AACS: variants seen among roughly 807,000 people sequenced by gnomAD.
AACS encodes the protein acetoacetate-CoA ligase.
AACS carries 69 observed loss-of-function variants against 83.1 expected under a neutral mutation model. The ratio of observed to expected loss-of-function variants is 0.83; its 90% CI spans 0.68 to 1.01. The LOEUF is 1.01. Ranked by LOEUF, AACS falls within the 50% of genes least tolerant of loss-of-function variation. The pLI is 0.00. For missense variants in AACS, 866 were observed against 882.2 expected (o/e 0.98, Z 0.23); for synonymous variants, 333 against 343.4 (o/e 0.97, Z 0.33).
chr12:125,127,545 G>T (rs971744586), intron 12 of AACS: 1 of 152,174 alleles, frequency 6.6e-6, no homozygotes, highest in Non-Finnish European at 1.5e-5. Flanking sequence ...GGGTTCAAGC[G>T]ATTCTTGTGC....
intron 10 of AACS, chr12:125,123,911 T>C (rs1296117920): frequency 2.6e-5 from 4 of 152,284 alleles, no homozygotes; most frequent in African/African-American, 9.6e-5. Flanking sequence ...TGTGTTGTTC[T>C]GTGAGCACAA....
At chr12:125,091,312 G>T in intron 4 of AACS, 114 bp from the exon 5 acceptor site, 9 of 1,064,702 alleles carry the variant, frequency 8.5e-6, no homozygotes, top group Non-Finnish European at 1.3e-5. Flanking sequence ...TCCTCAGGCA[G>T]TTCAAGGCCA....
chr12:125,092,311 G>A (rs976818394), intron 5 of AACS, among the ~76,000 whole-genome samples: 2 of 152,376 alleles, frequency 1.3e-5, no homozygotes, highest in African/African-American at 4.8e-5. Context: ...GCCCTGTGCC[G>A]TCCGTCAGTC....
At position 125,113,944 on chromosome 12, in the gene AACS, TCTTGTGCTGTC is replaced by T. The variant is rs1459814987; in HGVS notation, c.916-531_916-521del. Among the ~76,000 whole-genome samples the T allele has an allele frequency of 6.6e-6, 1 of 151,486 alleles. No individual in the cohort carries two copies. The highest frequency in any genetic ancestry group is 6.6e-5 in the Admixed American group (1 of 15,202). On this transcript the variant is annotated intron_variant, in intron 8 of 17. Transcript: ENST00000316519. The surrounding 1 kb of genome is among the most constrained non-coding windows in gnomAD (Gnocchi z 4.8). ...TTGGGTGTTTTAGCCAGAAGCAGGG[TCTTGTGCTGTC>T]CCCTCAGCTGAGGCATTCCTGAAAT...
intron 3 of AACS, chr12:125,078,210 G>A (rs1434097905): frequency 4.4e-6 from 2 of 456,146 alleles, no homozygotes; most frequent in Non-Finnish European, 8.8e-6. Context: ...TGTGCAGTTG[G>A]TAAAGATCAT....
At chr12:125,075,782 T>C (rs556824147) in intron 2 of AACS, among the ~76,000 whole-genome samples, 6 of 150,006 alleles carry the variant, frequency 4.0e-5, no homozygotes, top group Middle Eastern at 3.4e-3. Context: ...TTAGTAGAGA[T>C]GGAGTTTCAC....
At chr12:125,123,767 G>A (rs1957195590) in intron 10 of AACS, 1 of 152,286 alleles carries the variant, frequency 6.6e-6, no homozygotes, top group Non-Finnish European at 1.5e-5. Flanking sequence ...AGGCCCCGAA[G>A]AGAATAACGT....
chr12:125,092,113 A>G (rs1323274454), intron 5 of AACS, among the ~76,000 whole-genome samples: 1 of 152,050 alleles, frequency 6.6e-6, no homozygotes, highest in Admixed American at 6.5e-5. Context: ...AGGTCTTTCC[A>G]CGGGGCAAAT....
At chr12:125,105,696 A>C (rs1466843294) in intron 7 of AACS, 2 of 152,264 alleles carry the variant, frequency 1.3e-5, no homozygotes, top group African/African-American at 2.4e-5. Flanking sequence ...TGGATGCCAC[A>C]GATAAAGCAG....
intron 3 of AACS, among the ~76,000 whole-genome samples, chr12:125,078,746 G>C (rs567936923): frequency 6.7e-6 from 1 of 150,052 alleles, no homozygotes; most frequent in Non-Finnish European, 1.5e-5. Flanking sequence ...GCTTGAACCC[G>C]GGAGGTGGAG....
At chr12:125,133,386 A>G (rs915879919) in intron 14 of AACS, among the ~76,000 whole-genome samples, 1 of 152,204 alleles carries the variant, frequency 6.6e-6, no homozygotes, top group East Asian at 1.9e-4. Context: ...ACAGCTGCAC[A>G]TGAGGCCACT....
At chr12:125,068,190 C>G (rs1955757733) in intron 1 of AACS, among the ~76,000 whole-genome samples, 1 of 152,222 alleles carries the variant, frequency 6.6e-6, no homozygotes, top group African/African-American at 2.4e-5. Context: ...GGCGTGGTGG[C>G]TCACACCTGT....
chr12:125,124,662 C>T, intron 10 of AACS, 43 bp from the exon 11 acceptor site: 1 of 1,608,318 alleles, frequency 6.2e-7, no homozygotes. Context: ...GGTGCAAGAG[C>T]CTTGAAGAGT....
At position 125,107,217 on chromosome 12, in the gene AACS, G is replaced by C. The variant is rs775168357; in HGVS notation, c.864G>C (p.Met288Ile). The C allele has an allele frequency of 6.2e-7, 1 of 1,614,126 alleles. No homozygotes were observed. Among genetic ancestry groups the C allele is most frequent in the South Asian group, 1.1e-5 (1 of 91,084 alleles). The change falls in exon 8 of 18, where the codon ATG (methionine) becomes ATC (isoleucine). Residue 288 changes from methionine (M) to isoleucine (I), a missense_variant. Transcript: ENST00000316519. ...CCTTCAGCCACCCACTGTTCATCAT[G>C]TTCTCATCGGGCACCACGGGCGCAC... ...QLPFSHPLFI[M>I]FSSGTTGAPK...
chr12:125,067,936 A>C (rs1201892530), intron 1 of AACS, among the ~76,000 whole-genome samples: 3 of 152,250 alleles, frequency 2.0e-5, no homozygotes, highest in African/African-American at 4.8e-5. Context: ...TAAAATGGGC[A>C]TAACAGGACC....
intron 3 of AACS, 38 bp from the exon 4 acceptor site, chr12:125,086,292 G>A (rs961787485): frequency 8.9e-6 from 14 of 1,574,058 alleles, no homozygotes; most frequent in African/African-American, 8.1e-5. Flanking sequence ...TTCTTTTTGC[G>A]GTGGTCTGTG....
At position 125,102,080 on chromosome 12, in the gene AACS, C is replaced by CAA. The variant is rs200567705; in HGVS notation, c.571-590_571-589dup. On this transcript the variant is annotated intron_variant, in intron 5 of 17. Coordinates refer to ENST00000316519, the MANE Select transcript of AACS (RefSeq NM_023928.5). ...ATGCTTGCCTTTTTAAAAAAAAAAACAAAAAAAAAACCAGAATCTTGCTCG... is the reference window on the plus strand; with the variant it reads ...ATGCTTGCCTTTTTAAAAAAAAAAACAAAAAAAAAAAACCAGAATCTTGCTCG... 150 of 126,400 alleles carry CAA rather than the reference C, an allele frequency of 1.2e-3. 1 individual carries two copies. Among genetic ancestry groups the CAA allele is most frequent in the African/African-American group, 2.3e-3 (80 of 34,194 alleles). 7.8% of individuals were successfully genotyped at this position (126,400 alleles called of 1,614,324 possible).
intron 6 of AACS, 21 bp downstream of exon 6, chr12:125,102,814 C>A (rs1956743270): frequency 1.2e-6 from 2 of 1,607,258 alleles, no homozygotes; most frequent in Non-Finnish European, 1.7e-6. Flanking sequence ...CTTCCGGCTC[C>A]CAGCCGGCAT....
chr12:125,103,456 G>A (rs571504679), intron 7 of AACS, among the ~76,000 whole-genome samples: 294 of 104,224 alleles, frequency 2.8e-3, no homozygotes, highest in African/African-American at 0.012. Flanking sequence ...CACACGACAA[G>A]GCACACATAT....
Sources: allele counts gnomAD v4.1 joint callset (sites outside exome capture counted in the v4.1 genomes callset), GRCh38; gene constraint gnomAD v4.1.1; non-coding constraint Gnocchi (gnomAD v3.1); transcripts MANE v1.5; gene names NCBI Gene and HGNC (gene_info 2026-07-23, HGNC 2026-07-21).